GRM7: variants seen among roughly 807,000 people sequenced by gnomAD.
The protein encoded by GRM7 is metabotropic glutamate receptor 7.
A neutral mutation model predicts 84.5 loss-of-function variants in GRM7; 35 were observed. That is an observed-to-expected ratio of 0.41 (90% confidence interval 0.32 to 0.55). The LOEUF is 0.55. Ranked by LOEUF, GRM7 falls within the 20% of genes least tolerant of loss-of-function variation. GRM7 has a pLI of 0.19. For missense variants in GRM7, 1,003 were observed against 1,194.6 expected (o/e 0.84, Z 2.36); for synonymous variants, 487 against 455.1 (o/e 1.07, Z -0.89).
intron 1 of GRM7, among the ~76,000 whole-genome samples, chr3:7,102,007 A>G (rs1699128487): frequency 6.6e-6 from 1 of 151,482 alleles, no homozygotes; most frequent in South Asian, 2.1e-4. Context: ...TATTGTTGTC[A>G]CTATTTTACA....
chr3:7,450,858 A>G (rs1458534379), intron 5 of GRM7, among the ~76,000 whole-genome samples: 1 of 152,184 alleles, frequency 6.6e-6, no homozygotes, highest in Non-Finnish European at 1.5e-5. Flanking sequence ...GTGCTCTGAA[A>G]TGGAAAAATA....
At chr3:7,611,975 A>G (rs1696870059) in intron 8 of GRM7, among the ~76,000 whole-genome samples, 1 of 152,228 alleles carries the variant, frequency 6.6e-6, no homozygotes, top group Non-Finnish European at 1.5e-5. Flanking sequence ...ACTTAAAACC[A>G]ATAGTCCAGA....
intron 1 of GRM7, among the ~76,000 whole-genome samples, chr3:7,123,443 A>G (rs542828951): frequency 6.6e-6 from 1 of 152,216 alleles, no homozygotes; most frequent in African/African-American, 2.4e-5. Flanking sequence ...ATGTGGTGAA[A>G]CCCCGTCTCT....
At position 7,332,293 on chromosome 3, in the gene GRM7, A is replaced by G. The variant is rs549011272; in HGVS notation, c.1033+25641A>G. Among the ~76,000 whole-genome samples the G allele has an allele frequency of 2.6e-3, 393 of 152,314 alleles. 2 individuals carry two copies. The highest frequency in any genetic ancestry group is 8.6e-3 in the African/African-American group (357 of 41,584). On this transcript the variant is annotated intron_variant, in intron 4 of 9. Transcript: ENST00000357716. Reference sequence around the variant, plus strand: ...TGTGGGGAGAGGAGGAGAATAGACAATTTATCTTAGGGAAAGAAATAGAAC... The same window carrying G: ...TGTGGGGAGAGGAGGAGAATAGACAGTTTATCTTAGGGAAAGAAATAGAAC...
intron 1 of GRM7, among the ~76,000 whole-genome samples, chr3:6,927,479 A>AAGAG (rs1559333359): frequency 1.3e-5 from 1 of 79,018 alleles, no homozygotes; most frequent in Non-Finnish European, 3.7e-5. Context: ...GAAAGAAAGA[A>AAGAG]AGAAAGAAAG....
chr3:7,046,674 TTAAG>T (rs1483612434), intron 1 of GRM7, among the ~76,000 whole-genome samples: 5 of 151,822 alleles, frequency 3.3e-5, no homozygotes, highest in Admixed American at 6.6e-5. Flanking sequence ...ACTCTAAGAG[TTAAG>T]TGAGTGAGTG....
chr3:6,864,093 T>C (rs956166258), intron 1 of GRM7, among the ~76,000 whole-genome samples: 43 of 152,216 alleles, frequency 2.8e-4, no homozygotes, highest in African/African-American at 1.0e-3. Context: ...GTTAGCGTTA[T>C]GGCTGGGGAG....
At chr3:7,086,844 A>G (rs1321404072) in intron 1 of GRM7, among the ~76,000 whole-genome samples, 1 of 152,244 alleles carries the variant, frequency 6.6e-6, no homozygotes, top group African/African-American at 2.4e-5. Context: ...TCAGGACTGG[A>G]AACTTTGCTT....
intron 2 of GRM7, among the ~76,000 whole-genome samples, chr3:7,206,342 A>C (rs1696239148): frequency 6.6e-6 from 1 of 152,206 alleles, no homozygotes; most frequent in African/African-American, 2.4e-5. Flanking sequence ...TAATCTATGG[A>C]ATTTATTTAA....
chr3:7,053,076 G>T (rs1228001627), intron 1 of GRM7, among the ~76,000 whole-genome samples: 18 of 138,264 alleles, frequency 1.3e-4, no homozygotes, highest in South Asian at 4.6e-4. Context: ...TTTTTCTTGG[G>T]TTTTTTTTTT....
intron 4 of GRM7, among the ~76,000 whole-genome samples, chr3:7,408,328 G>C (rs1429605717): frequency 1.3e-5 from 2 of 152,166 alleles, no homozygotes; most frequent in Non-Finnish European, 2.9e-5. Context: ...GAGACATTTT[G>C]TGCAATAACA....
intron 8 of GRM7, among the ~76,000 whole-genome samples, chr3:7,604,715 C>T (rs948306653): frequency 3.9e-5 from 6 of 152,130 alleles, no homozygotes; most frequent in African/African-American, 1.4e-4. Flanking sequence ...CTATTACGTT[C>T]TGGTAGAAAA....
chr3:7,399,421 G>A (rs1695353602), intron 4 of GRM7, among the ~76,000 whole-genome samples: 3 of 152,032 alleles, frequency 2.0e-5, no homozygotes, highest in African/African-American at 7.2e-5. Flanking sequence ...CATGAGCCCA[G>A]GCTCTGGAGC....
intron 4 of GRM7, among the ~76,000 whole-genome samples, chr3:7,363,363 T>G (rs1426846646): frequency 6.6e-6 from 1 of 151,896 alleles, no homozygotes; most frequent in African/African-American, 2.4e-5. Context: ...AATCCAGAGA[T>G]CAAGACAAAA....
At chr3:7,369,001 G>GT (rs61399060) in intron 4 of GRM7, among the ~76,000 whole-genome samples, 152,215 of 152,216 alleles carry the variant, frequency 1, 76,107 homozygotes, top group Non-Finnish European at 1. Flanking sequence ...TAATTCTTCA[G>GT]TTGTTGTTGC....
At chr3:6,925,821 C>T (rs1697279300) in intron 1 of GRM7, among the ~76,000 whole-genome samples, 1 of 152,200 alleles carries the variant, frequency 6.6e-6, no homozygotes, top group Non-Finnish European at 1.5e-5. Flanking sequence ...TCCAGTCTCA[C>T]ATACATACAT....
intron 2 of GRM7, among the ~76,000 whole-genome samples, chr3:7,263,784 A>G (rs910230090): frequency 1.2e-4 from 19 of 152,028 alleles, no homozygotes; most frequent in African/African-American, 4.3e-4. Flanking sequence ...ATGCCCACCA[A>G]TAGTCCCACA....
At chr3:7,179,510 T>C (rs1297532952) in intron 2 of GRM7, among the ~76,000 whole-genome samples, 1 of 152,228 alleles carries the variant, frequency 6.6e-6, no homozygotes, top group Non-Finnish European at 1.5e-5. Flanking sequence ...TACTCTATAT[T>C]TTAGATTCAA....
rs529736950 is a variant in GRM7 at position 7,464,910 on chromosome 3, C to T, written c.1515+3188C>T. On this transcript the variant is annotated intron_variant, in intron 7 of 9. Transcript: ENST00000357716. ...ACTTGGGAGGCTGAGGCAGGATAAT[C>T]GCTTGAACCCAGGAGGCGGAGGTTG... Among the ~76,000 whole-genome samples, 27 of 151,604 alleles carry T rather than the reference C, an allele frequency of 1.8e-4. No individual in the cohort carries two copies. The South Asian group carries it at 4.2e-3, about 23-fold the overall frequency.
Sources: gnomAD v4.1 joint callset for allele counts (sites outside exome capture counted in the v4.1 genomes callset) on GRCh38, gnomAD v4.1.1 for gene constraint, MANE v1.5 for transcripts, NCBI Gene and HGNC (gene_info 2026-07-23, HGNC 2026-07-21) for gene names.